Variants in IGSF10 observed in about 807,000 individuals in gnomAD.
IGSF10 encodes calvaria mechanical force protein 608.
Under a neutral mutation model 128.2 loss-of-function variants are expected in IGSF10, and 126 were observed. That is an observed-to-expected ratio of 0.98 (90% CI 0.85 to 1.14). IGSF10 has a LOEUF of 1.14. Ranked by LOEUF, IGSF10 falls within the 50% of genes most tolerant of loss-of-function variation. The pLI is 0.00. For synonymous variants in IGSF10, 1,185 were observed against 1,146.2 expected (o/e 1.03, Z -0.68); for missense variants, 3,295 against 3,149.8 (o/e 1.05, Z -1.10).
chr3:151,464,188 C>A (rs60949420), upstream of IGSF10, among the ~76,000 whole-genome samples: 226 of 152,230 alleles, frequency 1.5e-3, no homozygotes, highest in African/African-American at 4.9e-3. Flanking sequence ...AATTTACCTA[C>A]GCTTTAAGGA....
chr3:151,594,945 AACG>A, the IGSF10 span, among the ~76,000 whole-genome samples: 1 of 151,918 alleles, frequency 6.6e-6, no homozygotes, highest in Non-Finnish European at 1.5e-5. Flanking sequence ...AAACAAGCAG[AACG>A]ACAAGGACCT....
the IGSF10 span, among the ~76,000 whole-genome samples, chr3:151,593,444 T>C: frequency 2.6e-5 from 4 of 152,042 alleles, no homozygotes; most frequent in Non-Finnish European, 4.4e-5. Context: ...TTCTGTGAGA[T>C]AGGTAGAGGC....
the IGSF10 span, among the ~76,000 whole-genome samples, chr3:151,604,019 A>G: frequency 6.6e-6 from 1 of 152,202 alleles, no homozygotes; most frequent in African/African-American, 2.4e-5. Flanking sequence ...CTGGCACATG[A>G]TAGGCATTCA....
the IGSF10 span, among the ~76,000 whole-genome samples, chr3:151,601,142 A>G: frequency 6.6e-6 from 1 of 152,234 alleles, no homozygotes; most frequent in East Asian, 1.9e-4. Flanking sequence ...AGAGATTCAC[A>G]CAAGTCTATG....
the IGSF10 span, among the ~76,000 whole-genome samples, chr3:151,522,083 A>G: frequency 6.6e-6 from 1 of 152,118 alleles, no homozygotes. Context: ...TTATGAACAC[A>G]AACTAGAAAA....
chr3:151,449,255 T>G lies in IGSF10; in HGVS notation c.726A>C (p.Lys242Asn). ...DWIQEKPDVI[K>N]CKKDRSPSSA... ...TAGAGGGACTTCTATCTTTTTTGCA[T>G]TTTATTACATCTGGAAAAAAATCAC... Residue 242 changes from lysine (K) to asparagine (N), a missense_variant, in exon 6 of 8, where the codon AAA (lysine) becomes AAC (asparagine). Coordinates refer to ENST00000282466, the MANE Select transcript of IGSF10 (RefSeq NM_178822.5). The G allele has an allele frequency of 6.4e-7, 1 of 1,570,740 alleles. No homozygotes were observed. The highest frequency in any genetic ancestry group is 8.6e-7 in the Non-Finnish European group (1 of 1,160,228).
the IGSF10 span, among the ~76,000 whole-genome samples, chr3:151,528,270 A>C: frequency 6.6e-6 from 1 of 152,172 alleles, no homozygotes; most frequent in African/African-American, 2.4e-5. Flanking sequence ...GTTGTCATTC[A>C]TAATTTTATT....
the IGSF10 span, among the ~76,000 whole-genome samples, chr3:151,527,576 T>C: frequency 6.6e-6 from 1 of 152,280 alleles, no homozygotes; most frequent in South Asian, 2.1e-4. Context: ...TAAGTCCCAG[T>C]ATTAATTGCC....
the IGSF10 span, among the ~76,000 whole-genome samples, chr3:151,587,997 C>T: frequency 1.5e-4 from 23 of 151,916 alleles, no homozygotes; most frequent in African/African-American, 4.8e-4. Flanking sequence ...TTATCAGCAG[C>T]GTGAAAATGG....
chr3:151,575,910 T>C, the IGSF10 span, among the ~76,000 whole-genome samples: 4 of 152,198 alleles, frequency 2.6e-5, no homozygotes, highest in African/African-American at 9.6e-5. Flanking sequence ...GACTTACGTA[T>C]AGGCAATTTT....
the IGSF10 span, among the ~76,000 whole-genome samples, chr3:151,527,252 C>T: frequency 1.3e-5 from 2 of 152,178 alleles, no homozygotes; most frequent in Non-Finnish European, 2.9e-5. Flanking sequence ...TAGGCCCATA[C>T]CACACCAGCG....
the IGSF10 span, among the ~76,000 whole-genome samples, chr3:151,513,929 T>A: frequency 2.0e-5 from 3 of 152,132 alleles, no homozygotes; most frequent in Non-Finnish European, 4.4e-5. Context: ...GTGAAGGACC[T>A]CTTCAAGGAG....
the IGSF10 span, among the ~76,000 whole-genome samples, chr3:151,504,159 C>T: frequency 6.6e-6 from 1 of 152,134 alleles, no homozygotes; most frequent in South Asian, 2.1e-4. Context: ...AGGCGATTAC[C>T]ACCTGTTTCA....
the IGSF10 span, among the ~76,000 whole-genome samples, chr3:151,538,560 A>G: frequency 2.2e-4 from 34 of 152,020 alleles, 1 homozygote; most frequent in East Asian, 1.6e-3. Context: ...TAAAAGTGAG[A>G]AAAAGGGTAT....
the IGSF10 span, among the ~76,000 whole-genome samples, chr3:151,513,079 A>G: frequency 6.6e-6 from 1 of 152,114 alleles, no homozygotes; most frequent in African/African-American, 2.4e-5. Flanking sequence ...ATTCCAATCA[A>G]TAGAAAAAGA....
chr3:151,448,183 T>C lies in IGSF10; in HGVS notation c.1798A>G (p.Ile600Val). Residue 600 changes from isoleucine (I) to valine (V), a missense_variant, in exon 6 of 8, where the codon ATC becomes GTC. Ile to Val is a conservative substitution (Grantham distance 29). Transcript: ENST00000282466. Reference protein sequence around the residue: ...TLDLPCHSTGIPDASISWVIP... With the variant: ...TLDLPCHSTGVPDASISWVIP... The stretch of plus-strand genomic sequence containing the variant: ...ACCCAGCTAATAGAGGCATCTGGGA[T>C]ACCAGTAGAATGGCATGGAAGATCA... 2 of 1,614,242 alleles carry C rather than the reference T, an allele frequency of 1.2e-6. No homozygotes were observed. Among genetic ancestry groups the C allele is most frequent in the Non-Finnish European group, 1.7e-6 (2 of 1,180,032 alleles).
the IGSF10 span, among the ~76,000 whole-genome samples, chr3:151,526,344 TA>T: frequency 1.3e-5 from 2 of 152,098 alleles, no homozygotes; most frequent in Admixed American, 1.3e-4. Flanking sequence ...TTTTCAGTTG[TA>T]TAACTTTGTC....
At chr3:151,593,104 T>C in the IGSF10 span, among the ~76,000 whole-genome samples, 1 of 152,164 alleles carries the variant, frequency 6.6e-6, no homozygotes, top group Non-Finnish European at 1.5e-5. Flanking sequence ...ACAATTAGCA[T>C]GTAAAAAATG....
At chr3:151,435,852 A>C (rs1720110878), downstream of IGSF10, 2 of 152,110 alleles carry the variant, frequency 1.3e-5, no homozygotes, top group Admixed American at 1.3e-4. Flanking sequence ...AGACCCTCCC[A>C]AGCATTTTCC....
Sources: gnomAD v4.1 joint callset for allele counts (sites outside exome capture counted in the v4.1 genomes callset) on GRCh38, gnomAD v4.1.1 for gene constraint, MANE v1.5 for transcripts, NCBI Gene and HGNC (gene_info 2026-07-23, HGNC 2026-07-21) for gene names.